Variants in GYS1 observed in about 807,000 individuals in gnomAD.
The protein encoded by GYS1 is glycogen [starch] synthase, muscle.
GYS1 carries 60 observed loss-of-function variants against 89.1 expected under a neutral mutation model. The ratio of observed to expected loss-of-function variants is 0.67; its 90% CI spans 0.55 to 0.84. The LOEUF is 0.84. GYS1 is among the 40% of genes least tolerant of loss of function. GYS1 has a pLI of 0.00. For synonymous variants in GYS1, 366 were observed against 401.7 expected (o/e 0.91, Z 1.06); for missense variants, 888 against 1,003.1 (o/e 0.89, Z 1.55).
At chr19:48,974,446 T>C (rs2038613611) in intron 11 of GYS1, 107 bp from the exon 12 acceptor site, 3 of 1,328,248 alleles carry the variant, frequency 2.3e-6, no homozygotes, top group Non-Finnish European at 3.2e-6. Flanking sequence ...TCACACAGCA[T>C]GTGTTTGGCA....
chr19:48,993,165 T>C lies in GYS1; in HGVS notation c.-53A>G. On this transcript the variant is annotated 5_prime_UTR_variant, in exon 1 of 16. Coordinates refer to ENST00000323798, the MANE Select transcript of GYS1 (RefSeq NM_002103.5). ...GATCTCCAGGTAGGGACCCCGGAGGTGTCTAGGGAATGCACCAGGTAGGGT... is the reference window on the plus strand; with the variant it reads ...GATCTCCAGGTAGGGACCCCGGAGGCGTCTAGGGAATGCACCAGGTAGGGT... The C allele has an allele frequency of 9.9e-7, 1 of 1,013,686 alleles. No homozygotes were observed. 62.8% of individuals were successfully genotyped at this position (1,013,686 alleles called of 1,614,324 possible).
intron 12 of GYS1, among the ~76,000 whole-genome samples, chr19:48,973,960 C>T (rs939872859): frequency 6.7e-6 from 1 of 150,022 alleles, no homozygotes. Context: ...ATTTGGGGGG[C>T]CACTGCTTTC....
rs1365513237 is a variant in GYS1, at chr19:48,993,132, G to T, written c.-20C>A. The stretch of plus-strand genomic sequence containing the variant: ...AGGCATGGCTGGCGCAGGAAGGGGG[G>T]CTCCGGGGATCTCCAGGTAGGGACC... On this transcript the variant is annotated 5_prime_UTR_variant, in exon 1 of 16. Coordinates refer to ENST00000323798, the MANE Select transcript of GYS1 (RefSeq NM_002103.5). The T allele has an allele frequency of 2.9e-6, 4 of 1,382,306 alleles. No individual in the cohort carries two copies. The highest frequency in any genetic ancestry group is 2.3e-5 in the East Asian group (1 of 43,768). 85.6% of individuals were successfully genotyped at this position (1,382,306 alleles called of 1,614,324 possible). A position where few individuals can be genotyped will look rare whatever the true frequency, so the allele number is the denominator to read the frequency against.
intron 14 of GYS1, 88 bp downstream of exon 14, chr19:48,970,458 G>A: frequency 9.1e-7 from 1 of 1,096,312 alleles, no homozygotes; most frequent in Non-Finnish European, 1.4e-6. Context: ...ACTGTTACAA[G>A]TAGGATGAGA....
intron 2 of GYS1, among the ~76,000 whole-genome samples, chr19:48,990,671 C>T (rs959707643): frequency 2.6e-5 from 4 of 152,222 alleles, no homozygotes; most frequent in African/African-American, 7.2e-5. Flanking sequence ...AGAAGGTAGA[C>T]GCTATTAGCA....
At chr19:48,990,546 T>C (rs2038910623) in intron 2 of GYS1, among the ~76,000 whole-genome samples, 1 of 152,158 alleles carries the variant, frequency 6.6e-6, no homozygotes, top group Non-Finnish European at 1.5e-5. Context: ...TTAGTAACAA[T>C]AATGACGATG....
chr19:48,977,058 G>A (rs1343127718), intron 10 of GYS1, among the ~76,000 whole-genome samples: 1 of 152,000 alleles, frequency 6.6e-6, no homozygotes, highest in Admixed American at 6.6e-5. Flanking sequence ...CAAAGTGCTG[G>A]GAATACTGAC....
Position 48,991,093 on chromosome 19 carries a change from T to C in GYS1, c.300+209A>G, listed in dbSNP as rs1312181893. ...GTCTCAGTCTGTCTCATACTTGCCA[T>C]CTGTCTGTCCATTCGCCCATGTCTG... On this transcript the variant is annotated intron_variant, in intron 2 of 15. Transcript: ENST00000323798. The surrounding 1 kb of genome is among the most constrained non-coding windows in gnomAD (Gnocchi z 4.7). Among the ~76,000 whole-genome samples, 1 of 152,240 alleles carries C rather than the reference T, an allele frequency of 6.6e-6. No homozygotes were observed. The highest frequency in any genetic ancestry group is 1.5e-5 in the Non-Finnish European group (1 of 68,048).
chr19:48,979,336 CTTTTTTTTTTTTTTTTTTTTTTTTTT>C (rs777178030), intron 8 of GYS1, among the ~76,000 whole-genome samples: 21 of 92,772 alleles, frequency 2.3e-4, no homozygotes, highest in East Asian at 9.0e-4. Flanking sequence ...TTTTTCTTTT[CTTTTTTTTTTTTTTTTTTTTTTTTTT>C]TTTTTTTTTT....
chr19:48,975,233 ATTTTTTT>A (rs554660546), intron 10 of GYS1, among the ~76,000 whole-genome samples: 53 of 134,842 alleles, frequency 3.9e-4, no homozygotes, highest in African/African-American at 9.6e-4. Flanking sequence ...GCTCAGCCTA[ATTTTTTT>A]TTTTTTTTTT....
rs570560465 is a variant in GYS1 at position 48,992,897 on chromosome 19, G to GGTTC, written c.118+94_118+97dup. ...ACAGCCTCCTTGCCCAGGTCACAAG[G>GGTTC]GTTCCCCTAGTAGCCCCGTCCTCCT... is the stretch of plus-strand genomic sequence containing the variant. On this transcript the variant is annotated intron_variant, in intron 1 of 15. Transcript: ENST00000323798. 7.6e-4 allele frequency: 604 copies of GGTTC among 793,042 alleles called. 1 individual carries two copies. The African/African-American group carries it at 8.9e-3, about 12-fold the overall frequency. 49.1% of individuals were successfully genotyped at this position (793,042 alleles called of 1,614,324 possible).
chr19:48,976,752 TCTTTC>T (rs756011642), intron 10 of GYS1, among the ~76,000 whole-genome samples: 5 of 152,080 alleles, frequency 3.3e-5, no homozygotes, highest in Non-Finnish European at 7.4e-5. Flanking sequence ...CCTTTTCTTT[TCTTTC>T]TTTTCCTTCT....
chr19:48,972,771 G>A (rs577981406), intron 12 of GYS1, among the ~76,000 whole-genome samples: 2 of 152,266 alleles, frequency 1.3e-5, no homozygotes, highest in East Asian at 3.9e-4. Flanking sequence ...GAGCCACCAT[G>A]CCTGGCCTGA....
intron 15 of GYS1, 52 bp downstream of exon 15, chr19:48,969,723 C>A (rs897535884): frequency 1.3e-6 from 2 of 1,592,076 alleles, no homozygotes; most frequent in South Asian, 1.1e-5. Context: ...CCCACCCCAC[C>A]GAAGCCCAGC....
At chr19:48,970,206 C>T (rs948450959) in intron 14 of GYS1, 7 of 453,958 alleles carry the variant, frequency 1.5e-5, no homozygotes, top group Admixed American at 3.7e-5. Flanking sequence ...CTCACTGCAG[C>T]CTCAACCTCC....
chr19:48,970,619 C>A lies in GYS1; in HGVS notation c.1736G>T (p.Arg579Leu). 3 of 1,613,956 alleles carry A rather than the reference C, an allele frequency of 1.9e-6. No homozygotes were observed. Among genetic ancestry groups the A allele is most frequent in the Non-Finnish European group, 1.7e-6 (2 of 1,179,942 alleles). The stretch of plus-strand genomic sequence containing the variant: ...GTTCCGCTGGATGATACGCTGCCGC[C>A]GGCTCTGCTGACAGAAACTGTAGAG... ...SFLYSFCQQS[R>L]RQRIIQRNRT... The change falls in exon 14 of 16, where the codon CGG becomes CTG. Residue 579 changes from arginine (R) to leucine (L), a missense_variant. Physicochemically the swap from Arg to Leu is moderately radical, Grantham distance 102. Transcript: ENST00000323798.
Position 48,969,820 on chromosome 19 carries a change from C to T in GYS1, c.1845G>A (p.Lys615=). Residue 615 remains lysine, a synonymous_variant, in exon 15 of 16, where the codon AAG becomes AAA. Coordinates refer to ENST00000323798, the MANE Select transcript of GYS1 (RefSeq NM_002103.5). ...CGTAGGTGAAGTGCTCTGGAAAGGC[C>T]TTGGACAGCGCCATGTGGCGCGCAG... ...YMSARHMALS[K]AFPEHFTYEP... The T allele has an allele frequency of 6.2e-7, 1 of 1,613,974 alleles. No homozygotes were observed. The highest frequency in any genetic ancestry group is 8.5e-7 in the Non-Finnish European group (1 of 1,179,966).
At chr19:48,979,402 C>T (rs1381440537) in intron 8 of GYS1, among the ~76,000 whole-genome samples, 1 of 129,148 alleles carries the variant, frequency 7.7e-6, no homozygotes, top group East Asian at 2.2e-4. Context: ...CTCTGTCGCC[C>T]AGGATGGCGC....
intron 2 of GYS1, among the ~76,000 whole-genome samples, chr19:48,988,877 C>T (rs1400048405): frequency 6.6e-6 from 1 of 152,086 alleles, no homozygotes; most frequent in Non-Finnish European, 1.5e-5. Context: ...GGATTACAGG[C>T]GTGAGCTACT....
Sources: gnomAD v4.1 joint callset for allele counts (sites outside exome capture counted in the v4.1 genomes callset) on GRCh38, gnomAD v4.1.1 for gene constraint, Gnocchi (gnomAD v3.1) non-coding constraint, MANE v1.5 for transcripts, NCBI Gene and HGNC (gene_info 2026-07-23, HGNC 2026-07-21) for gene names.